ZSCAN23: variants seen among roughly 807,000 people sequenced by gnomAD.
ZSCAN23 encodes zinc finger and SCAN domain containing 23, also known as zinc finger and SCAN domain-containing protein 23.
ZSCAN23 carries 19 observed loss-of-function variants against 19.3 expected under a neutral mutation model. The ratio of observed to expected loss-of-function variants is 0.99; its 90% confidence interval spans 0.69 to 1.45. ZSCAN23 has a LOEUF of 1.45. Ranked by LOEUF, ZSCAN23 falls within the 40% of genes most tolerant of loss-of-function variation. The pLI is 0.00. For synonymous variants in ZSCAN23, 140 were observed against 166.2 expected, an observed-to-expected ratio of 0.84 and a Z score of 1.21; for missense variants, 372 against 462.5, an observed-to-expected ratio of 0.80 and a Z score of 1.79.
the ZSCAN23 span, among the ~76,000 whole-genome samples, chr6:28,421,497 A>G: frequency 6.6e-6 from 1 of 152,188 alleles, no homozygotes; most frequent in East Asian, 1.9e-4. Context: ...GGCTATAGGT[A>G]TTGAGGATCA....
chr6:28,435,152 A>G, intron 3 of ZSCAN23, 74 bp from the exon 4 acceptor site: 1 of 1,446,460 alleles, frequency 6.9e-7, no homozygotes. Flanking sequence ...GACAAAAGAA[A>G]AAAAGTGGCC....
intron 1 of ZSCAN23, among the ~76,000 whole-genome samples, chr6:28,442,281 GAAT>G (rs1762017570): frequency 6.6e-6 from 1 of 152,174 alleles, no homozygotes; most frequent in Non-Finnish European, 1.5e-5. Context: ...AACTTGTTGA[GAAT>G]ATTAAATGAG....
At chr6:28,441,738 A>G (rs1248335634) in intron 1 of ZSCAN23, among the ~76,000 whole-genome samples, 5 of 152,008 alleles carry the variant, frequency 3.3e-5, no homozygotes, top group Non-Finnish European at 7.4e-5. Context: ...GTCCTTTTCT[A>G]TGCATTTGCA....
rs1761792661 is a variant in ZSCAN23, at chr6:28,433,108, T to C, written c.*1357A>G. On this transcript the variant is annotated 3_prime_UTR_variant, in exon 4 of 4. Coordinates refer to ENST00000289788, the MANE Select transcript of ZSCAN23 (RefSeq NM_001012455.2). ...AGGAATAAATGAGAAGAGTCTTTCC[T>C]GGACTCCACTGTAAATTAAATAGAG... The C allele has an allele frequency of 6.6e-6, 1 of 152,158 alleles. No individual in the cohort carries two copies. The highest frequency in any genetic ancestry group is 2.4e-5 in the African/African-American group (1 of 41,446). 9.4% of individuals were successfully genotyped at this position (152,158 alleles called of 1,614,324 possible). A position where few individuals can be genotyped will look rare whatever the true frequency, so the allele number is the denominator to read the frequency against.
At chr6:28,429,329 C>G (rs538386498), downstream of ZSCAN23, among the ~76,000 whole-genome samples, 5 of 152,332 alleles carry the variant, frequency 3.3e-5, no homozygotes, top group East Asian at 3.9e-4. Flanking sequence ...CTTGAATGTT[C>G]TAACTTCTGA....
downstream of ZSCAN23, among the ~76,000 whole-genome samples, chr6:28,430,133 G>A (rs547254016): frequency 1.6e-5 from 2 of 127,090 alleles, no homozygotes; most frequent in South Asian, 2.3e-4. Flanking sequence ...ACACTTGACT[G>A]CTCGCACTGG....
downstream of ZSCAN23, among the ~76,000 whole-genome samples, chr6:28,427,676 C>T (rs1361375932): frequency 9.9e-5 from 15 of 152,206 alleles, no homozygotes; most frequent in Non-Finnish European, 2.1e-4. Context: ...CTGCTGTTTA[C>T]TGAAACATCG....
chr6:28,429,121 A>C (rs1254918315), downstream of ZSCAN23, among the ~76,000 whole-genome samples: 2 of 152,204 alleles, frequency 1.3e-5, no homozygotes, highest in Non-Finnish European at 2.9e-5. Context: ...GAGTCCACAG[A>C]GACAGCTCTG....
downstream of ZSCAN23, among the ~76,000 whole-genome samples, chr6:28,431,346 C>T (rs568541163): frequency 3.9e-5 from 6 of 152,158 alleles, no homozygotes; most frequent in South Asian, 1.0e-3. Context: ...GTATGGGGAC[C>T]GTACCTCCTG....
At chr6:28,427,044 C>T (rs373868075), downstream of ZSCAN23, among the ~76,000 whole-genome samples, 2 of 152,216 alleles carry the variant, frequency 1.3e-5, no homozygotes, top group African/African-American at 2.4e-5. Context: ...CCACCCGCCT[C>T]GGCCTCCCAA....
downstream of ZSCAN23, among the ~76,000 whole-genome samples, chr6:28,430,050 C>T (rs189293278): frequency 3.9e-5 from 6 of 152,298 alleles, no homozygotes; most frequent in East Asian, 9.6e-4. Context: ...AGGCTGAGGC[C>T]GACAGGGGTC....
At position 28,434,805 on chromosome 6, in the gene ZSCAN23, T is replaced by A; in HGVS notation, c.830A>T (p.Tyr277Phe). The A allele has an allele frequency of 6.3e-7, 1 of 1,599,242 alleles. No individual in the cohort carries two copies. The highest frequency in any genetic ancestry group is 8.5e-7 in the Non-Finnish European group (1 of 1,172,596). The part of the protein sequence containing the change: ...HQRTHTGEKP[Y>F]ECDECGRAFS... Reference sequence around the variant, plus strand: ...GGCCCGCCCACACTCATCACATTCATAAGGCTTCTCACCTGTGTGTGTTCT... The same window carrying A: ...GGCCCGCCCACACTCATCACATTCAAAAGGCTTCTCACCTGTGTGTGTTCT... Residue 277 changes from tyrosine to phenylalanine, a missense_variant, in exon 4 of 4, where the codon TAT (tyrosine) becomes TTT (phenylalanine). By Grantham distance (22) the Tyr-to-Phe change is conservative. Transcript: ENST00000289788.
At chr6:28,437,851 G>T (rs1182996145) in intron 1 of ZSCAN23, among the ~76,000 whole-genome samples, 4 of 152,002 alleles carry the variant, frequency 2.6e-5, no homozygotes, top group Admixed American at 6.5e-5. Flanking sequence ...AAAACACTAT[G>T]TATCCTTGCT....
rs539517718 is a variant in ZSCAN23, at chr6:28,443,425, C to T, written c.-104G>A. On this transcript the variant is annotated 5_prime_UTR_variant, in exon 1 of 4. The change creates a new upstream start codon in the 5' untranslated region. Coordinates refer to ENST00000289788, the MANE Select transcript of ZSCAN23 (RefSeq NM_001012455.2). ...GAGGCATCCGTGAGAGGAGATGCCA[C>T]CTAGCGCAGATCACATCTGCTCTGA... is the stretch of plus-strand genomic sequence containing the variant. 1 of 152,490 alleles carries T rather than the reference C, an allele frequency of 6.6e-6. No individual in the cohort carries two copies. The highest frequency in any genetic ancestry group is 1.9e-4 in the East Asian group (1 of 5,184). The allele number at this position is 152,490 out of a possible 1,614,324, so 9.4% of individuals were successfully genotyped here.
intron 1 of ZSCAN23, among the ~76,000 whole-genome samples, chr6:28,441,664 G>A (rs1762004194): frequency 6.6e-6 from 1 of 151,828 alleles, no homozygotes; most frequent in Admixed American, 6.6e-5. Flanking sequence ...AAGTAGAGAG[G>A]AATATAGAAT....
chr6:28,427,330 A>G (rs1761676922), downstream of ZSCAN23, among the ~76,000 whole-genome samples: 1 of 152,236 alleles, frequency 6.6e-6, no homozygotes. Flanking sequence ...TGTAGCGTTT[A>G]GCCTAATGCT....
chr6:28,434,861 G>A lies in ZSCAN23; in HGVS notation c.774C>T (p.Phe258=), dbSNP rs368032643. 14 of 1,569,744 alleles carry A rather than the reference G, an allele frequency of 8.9e-6. No homozygotes were observed. The highest frequency in any genetic ancestry group is 1.4e-5 in the African/African-American group (1 of 73,666). ...GCTCGATAAGGATGGAATTCTGGGT[G>A]AAGCTTTTTCCACATTCACTACAGA... ...PYICSECGKS[F]TQNSILIEHQ... Residue 258 remains phenylalanine, a synonymous_variant, in exon 4 of 4, where the codon TTC becomes TTT. Coordinates refer to ENST00000289788, the MANE Select transcript of ZSCAN23 (RefSeq NM_001012455.2).
At chr6:28,422,030 C>T in the ZSCAN23 span, among the ~76,000 whole-genome samples, 1 of 151,788 alleles carries the variant, frequency 6.6e-6, no homozygotes, top group African/African-American at 2.4e-5. The surrounding 1 kb of genome is among the most constrained non-coding windows in gnomAD (Gnocchi z 4.0). Context: ...GAAATATTTA[C>T]ATTTGAAAGA....
At position 28,433,538 on chromosome 6, in the gene ZSCAN23, T is replaced by C. The variant is rs1272652733; in HGVS notation, c.*927A>G. 6.6e-6 allele frequency: 1 copy of C among 152,146 alleles called. No homozygotes were observed. The highest frequency in any genetic ancestry group is 6.5e-5 in the Admixed American group (1 of 15,278). 9.4% of individuals were successfully genotyped at this position (152,146 alleles called of 1,614,324 possible). On this transcript the variant is annotated 3_prime_UTR_variant, in exon 4 of 4. Coordinates refer to ENST00000289788, the MANE Select transcript of ZSCAN23 (RefSeq NM_001012455.2). ...TGTGTAAAGCTTTGTAAAGAGTTAC[T>C]AAGTCAATGTTAAGGGAAATAAATT...
Sources: gnomAD v4.1 joint callset for allele counts (sites outside exome capture counted in the v4.1 genomes callset) on GRCh38, gnomAD v4.1.1 for gene constraint, Gnocchi (gnomAD v3.1) non-coding constraint, MANE v1.5 for transcripts, NCBI Gene and HGNC (gene_info 2026-07-23, HGNC 2026-07-21) for gene names.